NPSR1: variants seen among roughly 807,000 people sequenced by gnomAD.
NPSR1 encodes neuropeptide S receptor 1, also known as neuropeptide S receptor.
In NPSR1, 48 loss-of-function variants were observed where a neutral mutation model predicts 46.9. The observed-to-expected ratio is 1.02, with a 90% confidence interval of 0.81 to 1.30. The LOEUF is 1.30. Among genes scored for constraint, NPSR1 ranks in the 50% most tolerant of loss-of-function variants. The pLI, the probability that NPSR1 is intolerant of heterozygous loss-of-function variation, is 0.00. For missense variants in NPSR1, 450 were observed against 449.5 expected (o/e 1.00, Z -0.01); for synonymous variants, 176 against 168.1 (o/e 1.05, Z -0.36).
intron 2 of NPSR1, among the ~76,000 whole-genome samples, chr7:34,770,258 T>C (rs1786617453): frequency 6.6e-6 from 1 of 152,202 alleles, no homozygotes; most frequent in South Asian, 2.1e-4. Flanking sequence ...CCAGTCCATT[T>C]GTGCCATGAA....
chr7:34,669,284 T>G (rs1791915888), intron 1 of NPSR1, among the ~76,000 whole-genome samples: 1 of 152,166 alleles, frequency 6.6e-6, no homozygotes, highest in Non-Finnish European at 1.5e-5. Context: ...TAAGGAAACT[T>G]GTTTATGGTG....
intron 2 of NPSR1, among the ~76,000 whole-genome samples, chr7:34,745,355 G>A (rs1785150040): frequency 6.6e-6 from 1 of 151,870 alleles, no homozygotes; most frequent in Admixed American, 6.6e-5. Context: ...CTTTTTATTG[G>A]TTCCAACCTT....
intron 2 of NPSR1, among the ~76,000 whole-genome samples, chr7:34,749,976 G>A (rs35662018): frequency 0.027 from 4,086 of 152,148 alleles, 83 homozygotes; most frequent in Middle Eastern, 0.051. Context: ...GAACTGGGGA[G>A]GAAGAGAGTT....
At chr7:34,759,063 C>T (rs1282348097) in intron 2 of NPSR1, among the ~76,000 whole-genome samples, 3 of 152,074 alleles carry the variant, frequency 2.0e-5, no homozygotes, top group Non-Finnish European at 2.9e-5. Flanking sequence ...TGCTATGTTC[C>T]TCTTAGTATA....
At chr7:34,870,729 C>A (rs947558284) in intron 8 of NPSR1, among the ~76,000 whole-genome samples, 2 of 151,716 alleles carry the variant, frequency 1.3e-5, no homozygotes, top group Non-Finnish European at 2.9e-5. Context: ...AATTAATAAG[C>A]CCCCTGGGAA....
At chr7:34,861,042 G>A (rs1318074661) in intron 8 of NPSR1, among the ~76,000 whole-genome samples, 3 of 151,822 alleles carry the variant, frequency 2.0e-5, no homozygotes, top group Admixed American at 1.3e-4. Flanking sequence ...TGGTGAAAGC[G>A]CTAACTTATA....
chr7:34,672,399 T>C (rs570176366), intron 1 of NPSR1, among the ~76,000 whole-genome samples: 159 of 152,332 alleles, frequency 1.0e-3, no homozygotes, highest in African/African-American at 3.6e-3. Context: ...TTGCAGAACA[T>C]TGGCATTTCT....
chr7:34,673,916 A>G (rs34850951), intron 1 of NPSR1, among the ~76,000 whole-genome samples: 87 of 152,362 alleles, frequency 5.7e-4, no homozygotes, highest in African/African-American at 2.0e-3. Flanking sequence ...TAAAGCAGTT[A>G]GAAAACGTAA....
intron 2 of NPSR1, among the ~76,000 whole-genome samples, chr7:34,766,846 T>G (rs994315021): frequency 1.3e-5 from 2 of 152,210 alleles, no homozygotes; most frequent in African/African-American, 4.8e-5. Flanking sequence ...GTGCTGGGAT[T>G]ACAGGTGTGA....
intron 7 of NPSR1, 67 bp from the exon 8 acceptor site, chr7:34,848,416 A>C: frequency 7.0e-7 from 1 of 1,430,372 alleles, no homozygotes; most frequent in Non-Finnish European, 9.7e-7. Context: ...AAGTCCAGTC[A>C]GGACCAACCA....
At chr7:34,760,330 C>T (rs1057074606) in intron 2 of NPSR1, among the ~76,000 whole-genome samples, 3 of 152,206 alleles carry the variant, frequency 2.0e-5, no homozygotes, top group African/African-American at 7.2e-5. Context: ...TTTTATAGGG[C>T]AAGCATTTTA....
chr7:34,791,393 T>C (rs1272465585), intron 3 of NPSR1, among the ~76,000 whole-genome samples: 2 of 148,396 alleles, frequency 1.3e-5, no homozygotes, highest in African/African-American at 4.9e-5. Context: ...AAAATCAACA[T>C]GCAAAGTCAG....
chr7:34,875,355 C>T (rs1791550280), intron 8 of NPSR1, among the ~76,000 whole-genome samples: 1 of 152,188 alleles, frequency 6.6e-6, no homozygotes, highest in Non-Finnish European at 1.5e-5. Context: ...AAAAGATCCC[C>T]AGATGATTCC....
intron 4 of NPSR1, among the ~76,000 whole-genome samples, chr7:34,821,024 A>G (rs1789529532): frequency 1.3e-5 from 2 of 151,942 alleles, no homozygotes; most frequent in African/African-American, 4.8e-5. Flanking sequence ...ACAGCCTCTC[A>G]GGTTAAATCT....
intron 3 of NPSR1, among the ~76,000 whole-genome samples, chr7:34,811,156 T>C (rs1263101191): frequency 6.6e-6 from 1 of 152,130 alleles, no homozygotes; most frequent in Non-Finnish European, 1.5e-5. Context: ...TTGGTGGCCA[T>C]GTCCTCGTCC....
At chr7:34,684,729 C>T (rs1290766625) in intron 2 of NPSR1, 45 bp downstream of exon 2, 1 of 1,455,974 alleles carries the variant, frequency 6.9e-7, no homozygotes, top group Non-Finnish European at 9.1e-7. Context: ...TATGTGAAGT[C>T]CCTATGGCTT....
At chr7:34,828,732 T>C (rs1281413103) in intron 5 of NPSR1, among the ~76,000 whole-genome samples, 1 of 152,234 alleles carries the variant, frequency 6.6e-6, no homozygotes, top group Non-Finnish European at 1.5e-5. Flanking sequence ...GGTTATTTCC[T>C]CATAACTCAT....
chr7:34,717,834 A>T (rs1378903884), intron 2 of NPSR1, among the ~76,000 whole-genome samples: 1 of 152,190 alleles, frequency 6.6e-6, no homozygotes. Context: ...TTTCATGAGG[A>T]CACATCCTGC....
chr7:34,843,458 GCT>G (rs1030113820), intron 6 of NPSR1, among the ~76,000 whole-genome samples: 2 of 152,130 alleles, frequency 1.3e-5, no homozygotes, highest in African/African-American at 4.8e-5. Flanking sequence ...CCTCTCAAAG[GCT>G]CCACCTCCCA....
Sources: allele counts gnomAD v4.1 joint callset (sites outside exome capture counted in the v4.1 genomes callset), GRCh38; gene constraint gnomAD v4.1.1; transcripts MANE v1.5; gene names NCBI Gene and HGNC (gene_info 2026-07-23, HGNC 2026-07-21).